Variants in RMI2 observed in about 807,000 individuals in gnomAD.
The protein encoded by RMI2 is RecQ mediated genome instability 2.
Under a neutral mutation model 8.4 loss-of-function variants are expected in RMI2, and 11 were observed. The ratio of observed to expected loss-of-function variants is 1.32; its 90% CI spans 0.83 to 2.18. RMI2 has a LOEUF of 2.18. Ranked by LOEUF, RMI2 falls within the 30% of genes most tolerant of loss-of-function variation. The pLI is 0.00. For synonymous variants in RMI2, 105 were observed against 93.8 expected, an observed-to-expected ratio of 1.12 and a Z score of -0.69; for missense variants, 253 against 207.5, an observed-to-expected ratio of 1.22 and a Z score of -1.35.
Position 11,351,306 on chromosome 16 carries a change from C to T in RMI2, c.*516C>T. On this transcript the variant is annotated 3_prime_UTR_variant, in exon 2 of 2. Coordinates refer to ENST00000312499, the MANE Select transcript of RMI2 (RefSeq NM_152308.3). ...CATAACCAGTTTGCGAGTCAAATGG[C>T]ATTTCCTAACGGCAGGCATGGCGGC... is the stretch of plus-strand genomic sequence containing the variant. 4.3e-6 allele frequency: 1 copy of T among 232,854 alleles called. No individual in the cohort carries two copies. Among genetic ancestry groups the T allele is most frequent in the East Asian group, 6.1e-5 (1 of 16,510 alleles). 14.4% of individuals were successfully genotyped at this position (232,854 alleles called of 1,614,324 possible). A position where few individuals can be genotyped will look rare whatever the true frequency, so the allele number is the denominator to read the frequency against.
intron 1 of RMI2, chr16:11,348,297 C>T (rs939265915): frequency 6.6e-6 from 1 of 152,274 alleles, no homozygotes; most frequent in African/African-American, 2.4e-5. Context: ...GTTTGCCAAC[C>T]CTTGGCCTTA....
rs2070939337 is a variant in RMI2, at chr16:11,349,796, C to T, written c.296-846C>T. Among the ~76,000 whole-genome samples, 1 of 152,218 alleles carries T rather than the reference C, an allele frequency of 6.6e-6. No homozygotes were observed. The highest frequency in any genetic ancestry group is 2.1e-4 in the South Asian group (1 of 4,838). ...AGGGCTGGCACCGGGCCTGTCCTTC[C>T]TGCAGCATTTGGAGTTTTCTTTTAC... is the stretch of plus-strand genomic sequence containing the variant. On this transcript the variant is annotated intron_variant, in intron 1 of 1. Coordinates refer to ENST00000312499, the MANE Select transcript of RMI2 (RefSeq NM_152308.3). This position sits in a 1 kb window ranked among gnomAD's most constrained non-coding sequence, Gnocchi z 4.2.
intron 1 of RMI2, among the ~76,000 whole-genome samples, chr16:11,346,117 C>T (rs2070863440): frequency 6.6e-6 from 1 of 152,212 alleles, no homozygotes; most frequent in Non-Finnish European, 1.5e-5. Flanking sequence ...TGGGAAACTT[C>T]TGCTCATCCT....
chr16:11,350,549 C>G, intron 1 of RMI2, 93 bp from the exon 2 acceptor site: 1 of 1,079,858 alleles, frequency 9.3e-7, no homozygotes, highest in Admixed American at 2.7e-5. Flanking sequence ...GAGATTGTGC[C>G]ACTGCACTCC....
At chr16:11,348,154 A>C (rs1343135422) in intron 1 of RMI2, 1 of 152,252 alleles carries the variant, frequency 6.6e-6, no homozygotes, top group Admixed American at 6.5e-5. Flanking sequence ...TCATAAGTTA[A>C]GTTTTATTGG....
chr16:11,345,692 T>A lies in RMI2; in HGVS notation c.221T>A (p.Leu74Gln). 7.9e-7 allele frequency: 1 copy of A among 1,268,506 alleles called. No homozygotes were observed. The highest frequency in any genetic ancestry group is 9.9e-7 in the Non-Finnish European group (1 of 1,009,076). The allele number at this position is 1,268,506 out of a possible 1,614,324, so 78.6% of individuals were successfully genotyped here. Reference sequence around the variant, plus strand: ...ATGGCGGACCGCGGCGAGGCTCGGCTGAGGGACCCGAGCGGGGACTTCTCG... The same window carrying A: ...ATGGCGGACCGCGGCGAGGCTCGGCAGAGGGACCCGAGCGGGGACTTCTCG... Reference protein sequence around the residue: ...VVMADRGEARLRDPSGDFSVR... With the variant: ...VVMADRGEARQRDPSGDFSVR... The change falls in exon 1 of 2, where the codon CTG becomes CAG. Residue 74 changes from leucine (L) to glutamine (Q), a missense_variant. By Grantham distance (113) the Leu-to-Gln change is moderately radical. Coordinates refer to ENST00000312499, the MANE Select transcript of RMI2 (RefSeq NM_152308.3).
rs960029607 is a variant in RMI2, at chr16:11,349,019, G to A, written c.296-1623G>A. 2.0e-5 allele frequency: 3 copies of A among 152,386 alleles called. No individual in the cohort carries two copies. The highest frequency in any genetic ancestry group is 7.2e-5 in the African/African-American group (3 of 41,452). 9.4% of individuals were successfully genotyped at this position (152,386 alleles called of 1,614,324 possible). A position where few individuals can be genotyped will look rare whatever the true frequency, so the allele number is the denominator to read the frequency against. On this transcript the variant is annotated intron_variant, in intron 1 of 1. Transcript: ENST00000312499. The surrounding 1 kb of genome is among the most constrained non-coding windows in gnomAD (Gnocchi z 4.2). ...CTCTGCTCACTGCACTGCTGCTGTA[G>A]TGCTGTTCCTCCACCGCCTCTTCCT...
chr16:11,350,249 G>A (rs1017107541), intron 1 of RMI2, among the ~76,000 whole-genome samples: 3 of 152,306 alleles, frequency 2.0e-5, no homozygotes, highest in Middle Eastern at 3.4e-3. Flanking sequence ...TTCCTTGGGC[G>A]TGGTTACATT....
At chr16:11,346,547 C>A (rs7200667) in intron 1 of RMI2, among the ~76,000 whole-genome samples, 33,021 of 152,016 alleles carry the variant, frequency 0.22, 3,775 homozygotes, top group Non-Finnish European at 0.24. Flanking sequence ...AGACATGAGC[C>A]GCTGCGCCCT....
rs2070845837 is a variant in RMI2 at position 11,345,461 on chromosome 16, G to A, written c.-11G>A. On this transcript the variant is annotated 5_prime_UTR_variant, in exon 1 of 2. Coordinates refer to ENST00000312499, the MANE Select transcript of RMI2 (RefSeq NM_152308.3). Reference sequence around the variant, plus strand: ...AAGCGGAGGCGGGGCGGAAGGGTGCGGCGAGGCGGAATGGCGGCGGCTGCG... The same window carrying A: ...AAGCGGAGGCGGGGCGGAAGGGTGCAGCGAGGCGGAATGGCGGCGGCTGCG... 4 of 1,298,890 alleles carry A rather than the reference G, an allele frequency of 3.1e-6. No homozygotes were observed. Among genetic ancestry groups the A allele is most frequent in the Admixed American group, 3.5e-5 (1 of 28,894 alleles). The allele number at this position is 1,298,890 out of a possible 1,614,324, so 80.5% of individuals were successfully genotyped here.
rs752918253 is a variant in RMI2 at position 11,350,739 on chromosome 16, T to C, written c.393T>C (p.His131=). The change falls in exon 2 of 2, where the codon CAT becomes CAC. Residue 131 remains histidine, a synonymous_variant. Transcript: ENST00000312499. ...KMTDLSDNPI[H]ESMWELEVED... is the part of the protein sequence containing the mutation. ...CAGACCTTTCTGATAATCCCATCCA[T>C]GAAAGTATGTGGGAACTGGAGGTAG... 4.3e-6 allele frequency: 7 copies of C among 1,613,276 alleles called. No individual in the cohort carries two copies. The highest frequency in any genetic ancestry group is 5.1e-6 in the Non-Finnish European group (6 of 1,179,368).
Position 11,345,751 on chromosome 16 carries a change from C to T in RMI2, c.280C>T (p.Pro94Ser), listed in dbSNP as rs765675652. ...RGLERVPRGR[P>S]CLVPGKYVMV... Reference sequence around the variant, plus strand: ...CCTGGAGCGGGTGCCGCGCGGGCGGCCCTGTCTAGTCCCAGGTAATGCCCG... The same window carrying T: ...CCTGGAGCGGGTGCCGCGCGGGCGGTCCTGTCTAGTCCCAGGTAATGCCCG... The change falls in exon 1 of 2, where the codon CCC becomes TCC. Residue 94 changes from proline to serine, a missense_variant. Transcript: ENST00000312499. 16 of 1,239,780 alleles carry T rather than the reference C, an allele frequency of 1.3e-5. No homozygotes were observed. The highest frequency in any genetic ancestry group is 1.6e-5 in the Non-Finnish European group (16 of 992,386). 76.8% of individuals were successfully genotyped at this position (1,239,780 alleles called of 1,614,324 possible).
chr16:11,346,420 C>T lies in RMI2; in HGVS notation c.295+654C>T, dbSNP rs142879350. Among the ~76,000 whole-genome samples, 479 of 152,188 alleles carry T rather than the reference C, an allele frequency of 3.1e-3. 3 individuals carry two copies. Among genetic ancestry groups the T allele is most frequent in the African/African-American group, 0.011 (442 of 41,514 alleles). The stretch of plus-strand genomic sequence containing the variant: ...GATTACAGGCATGTGCCACCACACC[C>T]GGCTAATTTTTGTATTTTTTAGCAG... On this transcript the variant is annotated intron_variant, in intron 1 of 1. Transcript: ENST00000312499.
At chr16:11,350,111 G>A (rs1025409210) in intron 1 of RMI2, among the ~76,000 whole-genome samples, 2 of 152,226 alleles carry the variant, frequency 1.3e-5, no homozygotes, top group Non-Finnish European at 2.9e-5. Flanking sequence ...GATGTGTCCT[G>A]TGCACAGAAA....
At position 11,351,179 on chromosome 16, in the gene RMI2, G is replaced by A. The variant is rs1027081109; in HGVS notation, c.*389G>A. 19 of 240,542 alleles carry A rather than the reference G, an allele frequency of 7.9e-5. No homozygotes were observed. In the East Asian group the frequency reaches 1.0e-3, roughly 13 times the overall value. 14.9% of individuals were successfully genotyped at this position (240,542 alleles called of 1,614,324 possible). ...GTTTTACAATGCAAAATTTAAGTAC[G>A]GTCGTTGCCCATGGTGATTAAAGTG... On this transcript the variant is annotated 3_prime_UTR_variant, in exon 2 of 2. Coordinates refer to ENST00000312499, the MANE Select transcript of RMI2 (RefSeq NM_152308.3).
Position 11,350,622 on chromosome 16 carries a change from G to A in RMI2, c.296-20G>A. Reference sequence around the variant, plus strand: ...GAAAAAAAAAAAGAACATTACTATGGGCTTTTCTTCTTTTTCTAGGAAAGT... The same window carrying A: ...GAAAAAAAAAAAGAACATTACTATGAGCTTTTCTTCTTTTTCTAGGAAAGT... On this transcript the variant is annotated intron_variant, in intron 1 of 1. Transcript: ENST00000312499. The A allele has an allele frequency of 6.5e-7, 1 of 1,532,718 alleles. No individual in the cohort carries two copies. Among genetic ancestry groups the A allele is most frequent in the Non-Finnish European group, 8.7e-7 (1 of 1,143,724 alleles). The allele number at this position is 1,532,718 out of a possible 1,614,324, so 94.9% of individuals were successfully genotyped here. A position where few individuals can be genotyped will look rare whatever the true frequency, so the allele number is the denominator to read the frequency against.
intron 1 of RMI2, 57 bp from the exon 2 acceptor site, chr16:11,350,583 CTG>C (rs1312355640): frequency 1.5e-6 from 2 of 1,361,212 alleles, no homozygotes; most frequent in Admixed American, 5.9e-5. Context: ...TAGCAAGACT[CTG>C]TCTCAAAAGA....
intron 1 of RMI2, chr16:11,348,719 T>C (rs1250025694): frequency 6.6e-6 from 1 of 152,234 alleles, no homozygotes. Flanking sequence ...ATTGGAGTTA[T>C]CTGTAAGGAC....
At chr16:11,348,274 C>T (rs577373297) in intron 1 of RMI2, 5 of 152,370 alleles carry the variant, frequency 3.3e-5, no homozygotes, top group Admixed American at 3.3e-4. Flanking sequence ...TTGTCTCGCC[C>T]TTTACAGAAA....
Sources: gnomAD v4.1 joint callset for allele counts (sites outside exome capture counted in the v4.1 genomes callset) on GRCh38, gnomAD v4.1.1 for gene constraint, Gnocchi (gnomAD v3.1) non-coding constraint, MANE v1.5 for transcripts, NCBI Gene and HGNC (gene_info 2026-07-23, HGNC 2026-07-21) for gene names.